Variants in STYXL1 observed in about 807,000 individuals in gnomAD.
The protein encoded by STYXL1 is serine/threonine/tyrosine-interacting-like protein 1.
A neutral mutation model predicts 36.4 loss-of-function variants in STYXL1; 32 were observed. The ratio of observed to expected loss-of-function variants is 0.88; its 90% CI spans 0.66 to 1.18. The LOEUF (loss-of-function observed/expected upper bound fraction) is 1.18, where lower values mean the gene tolerates loss of function less well. Among genes scored for constraint, STYXL1 ranks in the 50% most tolerant of loss-of-function variants. The pLI is 0.00. For synonymous variants in STYXL1, 133 were observed against 144.1 expected (o/e 0.92, Z 0.55); for missense variants, 354 against 394.1 (o/e 0.90, Z 0.86).
At chr7:76,022,633 C>T (rs1794216892) in intron 3 of STYXL1, among the ~76,000 whole-genome samples, 1 of 152,188 alleles carries the variant, frequency 6.6e-6, no homozygotes, top group African/African-American at 2.4e-5. Flanking sequence ...TCACTGCACT[C>T]CAGTCTGGGT....
chr7:76,040,713 G>A (rs1311386856), intron 1 of STYXL1, among the ~76,000 whole-genome samples: 3 of 151,880 alleles, frequency 2.0e-5, no homozygotes, highest in African/African-American at 7.3e-5. Flanking sequence ...GCGCATACCT[G>A]TAATCCCAGC....
intron 5 of STYXL1, among the ~76,000 whole-genome samples, chr7:76,008,458 C>T (rs2115620207): frequency 6.6e-6 from 1 of 152,234 alleles, no homozygotes; most frequent in African/African-American, 2.4e-5. Context: ...GAACTCAGCA[C>T]ATCTCACTCC....
At chr7:76,030,754 G>A (rs1289693977) in intron 1 of STYXL1, among the ~76,000 whole-genome samples, 5 of 150,500 alleles carry the variant, frequency 3.3e-5, no homozygotes, top group Non-Finnish European at 7.4e-5. Flanking sequence ...GCTCACGCCT[G>A]TAATCCCAGG....
Position 76,013,810 on chromosome 7 carries a change from C to G in STYXL1, c.385G>C (p.Gly129Arg). 1.2e-6 allele frequency: 2 copies of G among 1,614,016 alleles called. No individual in the cohort carries two copies. Among genetic ancestry groups the G allele is most frequent in the Non-Finnish European group, 1.7e-6 (2 of 1,179,992 alleles). ...GTGCCTGAGAAGCGCTCATAGCCCC[C>G]TTTCAGGATGTAGACGGGGTGGTGG... ...LTHHPVYILK[G>R]GYERFSGTYH... Residue 129 changes from glycine (G) to arginine (R), a missense_variant, in exon 5 of 9, where the codon GGG (glycine) becomes CGG (arginine). Transcript: ENST00000359697.
At chr7:76,012,854 T>G (rs1431630786) in intron 5 of STYXL1, among the ~76,000 whole-genome samples, 2 of 152,196 alleles carry the variant, frequency 1.3e-5, no homozygotes, top group African/African-American at 4.8e-5. Flanking sequence ...TTTTGTGTAT[T>G]TTTGTATCCT....
intron 3 of STYXL1, among the ~76,000 whole-genome samples, chr7:76,024,727 G>C (rs971412420): frequency 6.6e-6 from 1 of 152,078 alleles, no homozygotes; most frequent in Non-Finnish European, 1.5e-5. Flanking sequence ...AAGGCAGGCG[G>C]ATCACAAGGT....
chr7:76,018,248 C>T (rs1364522363), intron 4 of STYXL1, among the ~76,000 whole-genome samples: 3 of 152,116 alleles, frequency 2.0e-5, no homozygotes, highest in Non-Finnish European at 4.4e-5. Context: ...AAACTCCCAG[C>T]TCCACTTAAC....
At position 75,996,615 on chromosome 7, in the gene STYXL1, G is replaced by C. The variant is rs782734944; in HGVS notation, c.811-16C>G. 15 of 1,613,484 alleles carry C rather than the reference G, an allele frequency of 9.3e-6. No homozygotes were observed. The highest frequency in any genetic ancestry group is 3.3e-5 in the Admixed American group (2 of 60,002). On this transcript the variant is annotated splice_polypyrimidine_tract_variant and intron_variant, in intron 8 of 8. Transcript: ENST00000359697. ...CCCAGGACCTCTATGAATACAAAGA[G>C]AGAAAGTGAACTTCACGATTGGTCC...
At chr7:76,023,902 A>G (rs1794368566) in intron 3 of STYXL1, among the ~76,000 whole-genome samples, 2 of 152,134 alleles carry the variant, frequency 1.3e-5, no homozygotes, top group African/African-American at 4.8e-5. Context: ...AGTACCAGCT[A>G]CCAAAGAGGC....
intron 1 of STYXL1, among the ~76,000 whole-genome samples, chr7:76,034,789 A>C (rs1039324335): frequency 1.2e-4 from 19 of 152,138 alleles, no homozygotes; most frequent in Non-Finnish European, 2.5e-4. Flanking sequence ...GACATCACTA[A>C]GGGTCCCCTG....
rs147047047 is a variant in STYXL1 at position 76,047,873 on chromosome 7, G to A, written c.-216C>T. ...AAGCCCGTCCTCTTCCACCTCTTGG[G>A]TGCAGACTGGCCCTCCCACTCCGAC... On this transcript the variant is annotated 5_prime_UTR_variant, in exon 1 of 9. Transcript: ENST00000359697. The A allele has an allele frequency of 4.7e-5, 64 of 1,363,442 alleles. 1 individual carries two copies. The East Asian group carries it at 1.8e-3, about 37-fold the overall frequency. The allele number at this position is 1,363,442 out of a possible 1,614,324, so 84.5% of individuals were successfully genotyped here.
Position 76,021,830 on chromosome 7 carries a change from C to T in STYXL1, c.307+21G>A, listed in dbSNP as rs568179187. 4 of 1,563,422 alleles carry T rather than the reference C, an allele frequency of 2.6e-6. No homozygotes were observed. The East Asian group carries it at 9.0e-5, about 35-fold the overall frequency. ...CAATAGCCGTTAACTATTATTCTTG[C>T]TGCTGTTGCATAAAACCCACCTTTG... On this transcript the variant is annotated intron_variant, in intron 4 of 8. Coordinates refer to ENST00000359697, the MANE Select transcript of STYXL1 (RefSeq NM_001317785.2).
chr7:76,025,278 C>T (rs556133902), intron 3 of STYXL1, among the ~76,000 whole-genome samples: 154 of 149,258 alleles, frequency 1.0e-3, no homozygotes, highest in African/African-American at 3.7e-3. Flanking sequence ...CCAGCCTGGG[C>T]GACAAGAGCA....
intron 4 of STYXL1, among the ~76,000 whole-genome samples, chr7:76,016,932 C>G (rs535245315): frequency 6.6e-6 from 1 of 152,162 alleles, no homozygotes. Flanking sequence ...GATACCTGCA[C>G]CCATATGTTC....
At chr7:76,039,215 C>A (rs1796245313) in intron 1 of STYXL1, among the ~76,000 whole-genome samples, 1 of 149,240 alleles carries the variant, frequency 6.7e-6, no homozygotes, top group Admixed American at 6.6e-5. Context: ...GGATTACAGG[C>A]GTGAGTCACC....
chr7:76,025,658 C>T (rs1028144680), intron 3 of STYXL1, among the ~76,000 whole-genome samples: 6 of 152,006 alleles, frequency 3.9e-5, no homozygotes, highest in Non-Finnish European at 7.4e-5. Flanking sequence ...GGTGTGGTGG[C>T]GGGTGCCTGT....
intron 4 of STYXL1, among the ~76,000 whole-genome samples, chr7:76,016,679 A>G (rs1793419450): frequency 6.6e-6 from 1 of 152,156 alleles, no homozygotes. Context: ...TCAAAACCAC[A>G]ATGAGATAAC....
rs989442179 is a variant in STYXL1 at position 76,016,395 on chromosome 7, G to T, written c.308-2508C>A. On this transcript the variant is annotated intron_variant, in intron 4 of 8. Coordinates refer to ENST00000359697, the MANE Select transcript of STYXL1 (RefSeq NM_001317785.2). Reference sequence around the variant, plus strand: ...ATATATAGCGTATATACGTATGTGTGTATATATACGTATATCTATACGTAT... The same window carrying T: ...ATATATAGCGTATATACGTATGTGTTTATATATACGTATATCTATACGTAT... 6.1e-5 allele frequency among the ~76,000 whole-genome samples: 9 copies of T among 147,512 alleles called. No individual in the cohort carries two copies. The South Asian group carries it at 1.5e-3, about 24-fold the overall frequency.
intron 1 of STYXL1, among the ~76,000 whole-genome samples, chr7:76,042,066 A>ATG (rs376900964): frequency 6.6e-5 from 10 of 152,256 alleles, no homozygotes; most frequent in African/African-American, 2.2e-4. Flanking sequence ...CTGCAGGTGC[A>ATG]TGTGTGTGCA....
Sources: gnomAD v4.1 joint callset for allele counts (sites outside exome capture counted in the v4.1 genomes callset) on GRCh38, gnomAD v4.1.1 for gene constraint, MANE v1.5 for transcripts, NCBI Gene and HGNC (gene_info 2026-07-23, HGNC 2026-07-21) for gene names.